Variants in TDRD1 observed in about 807,000 individuals in gnomAD.
TDRD1 encodes the protein tudor domain containing 1, also known as tudor domain-containing protein 1.
TDRD1 carries 37 observed loss-of-function variants against 140.6 expected under a neutral mutation model. That is an observed-to-expected ratio of 0.26 (90% CI 0.20 to 0.35). The LOEUF is 0.35. TDRD1 is among the 10% of genes least tolerant of loss of function. The pLI, the probability that TDRD1 is intolerant of heterozygous loss-of-function variation, is 1.00. For missense variants in TDRD1, 1,243 were observed against 1,393.0 expected, an observed-to-expected ratio of 0.89 and a Z score of 1.71; for synonymous variants, 506 against 475.7, an observed-to-expected ratio of 1.06 and a Z score of -0.83.
chr10:114,198,219 C>T (rs1393594867), intron 3 of TDRD1, among the ~76,000 whole-genome samples: 2 of 152,032 alleles, frequency 1.3e-5, no homozygotes, highest in Non-Finnish European at 2.9e-5. Context: ...GAGAGAGGCC[C>T]GACTGAAGGA....
chr10:114,216,514 G>C (rs1280938089), intron 16 of TDRD1, among the ~76,000 whole-genome samples: 2 of 152,156 alleles, frequency 1.3e-5, no homozygotes, highest in African/African-American at 4.8e-5. Context: ...CTGACCCCAT[G>C]GTTGTGAGAT....
chr10:114,188,223 T>C, intron 2 of TDRD1, 67 bp downstream of exon 2: 2 of 1,395,530 alleles, frequency 1.4e-6, no homozygotes, highest in Non-Finnish European at 1.9e-6. Flanking sequence ...CAGAAGTATA[T>C]ATAACCACAC....
At chr10:114,193,145 G>A (rs1263054723) in intron 3 of TDRD1, among the ~76,000 whole-genome samples, 2 of 151,876 alleles carry the variant, frequency 1.3e-5, no homozygotes, top group Non-Finnish European at 2.9e-5. Context: ...TCCTATGCAT[G>A]TTTTGCTCAA....
At chr10:114,213,536 G>A (rs767113525) in exon 15 of TDRD1, 1 of 1,613,796 alleles carries the variant, frequency 6.2e-7, no homozygotes, top group Non-Finnish European at 8.5e-7. Context: ...GCTTTGCTGT[G>A]GGAGAACAGA....
chr10:114,204,799 A>G (rs1384431771), exon 10 of TDRD1: 61 of 1,607,664 alleles, frequency 3.8e-5, no homozygotes, highest in Non-Finnish European at 4.9e-5. Flanking sequence ...CTACTAAACC[A>G]CTGTTAATGG....
At chr10:114,225,770 TC>T (rs1333771273) in intron 21 of TDRD1, among the ~76,000 whole-genome samples, 1 of 151,404 alleles carries the variant, frequency 6.6e-6, no homozygotes, top group Non-Finnish European at 1.5e-5. Context: ...GGTGAGAGGA[TC>T]ACTTGAGTCT....
At position 114,188,199 on chromosome 10, in the gene TDRD1, T is replaced by C. The variant is rs891006734; in HGVS notation, c.325+43T>C. The C allele has an allele frequency of 2.6e-6, 4 of 1,510,618 alleles. No homozygotes were observed. The African/African-American group carries it at 4.2e-5, about 16-fold the overall frequency. The allele number at this position is 1,510,618 out of a possible 1,614,324, so 93.6% of individuals were successfully genotyped here. On this transcript the variant is annotated intron_variant, in intron 2 of 25. Transcript: ENST00000251864. ...GCTTCCTACTTCTTCATTCTCATGG[T>C]TTCTGTGACTTACCAGAAGTATATA...
At chr10:114,204,671 A>G in intron 9 of TDRD1, 51 bp from the exon 10 acceptor site, 1 of 1,528,122 alleles carries the variant, frequency 6.5e-7, no homozygotes, top group Non-Finnish European at 8.8e-7. Context: ...AATTAGAAAA[A>G]ATCATTTTTA....
At chr10:114,221,534 G>A (rs2036146436) in intron 20 of TDRD1, 58 bp downstream of exon 20, 4 of 1,530,814 alleles carry the variant, frequency 2.6e-6, no homozygotes, top group East Asian at 4.6e-5. Flanking sequence ...TAAAACGAAA[G>A]TGCTGGTCTT....
At chr10:114,204,329 C>G in intron 9 of TDRD1, 113 bp downstream of exon 9, 1 of 1,174,486 alleles carries the variant, frequency 8.5e-7, no homozygotes, top group South Asian at 1.8e-5. Context: ...TGTACCTGTA[C>G]TATGTAAATA....
intron 3 of TDRD1, among the ~76,000 whole-genome samples, chr10:114,197,923 C>T (rs561404764): frequency 7.9e-5 from 12 of 152,146 alleles, no homozygotes; most frequent in African/African-American, 2.2e-4. Flanking sequence ...CCCAAAGTGC[C>T]GGGATTACAG....
intron 3 of TDRD1, among the ~76,000 whole-genome samples, 180 bp from the exon 4 acceptor site, chr10:114,198,993 T>C (rs575438669): frequency 1.6e-4 from 25 of 152,314 alleles, no homozygotes; most frequent in African/African-American, 5.8e-4. Flanking sequence ...ACCTCCTCCT[T>C]TCCCACTTTG....
In TDRD1 at chr10:114,213,538, G is replaced by A. The variant is rs750776626; in HGVS notation, c.2024G>A (p.Gly675Glu). Residue 675 changes from glycine to glutamate, a missense_variant, in exon 15 of 26, where the codon GGA becomes GAA. Physicochemically the swap from Gly to Glu is moderately conservative, Grantham distance 98 (BLOSUM62 -2). Coordinates refer to ENST00000251864, the Ensembl canonical transcript of TDRD1. The stretch of plus-strand genomic sequence containing the variant: ...CTCCTAGATGCAGGCTTTGCTGTGG[G>A]AGAACAGAGTATGGTGACAGATAAA... 3.1e-6 allele frequency: 5 copies of A among 1,613,934 alleles called. 1 individual carries two copies. In the South Asian group the frequency reaches 3.3e-5, roughly 11 times the overall value.
chr10:114,227,825 G>C (rs146300771), intron 23 of TDRD1, 85 bp from the exon 24 acceptor site: 4 of 1,050,776 alleles, frequency 3.8e-6, no homozygotes, highest in African/African-American at 3.1e-5. Context: ...GCAAGGGGGA[G>C]AGCTATCTGT....
rs528921998 is a variant in TDRD1, at chr10:114,211,849, G to A, written c.1661-17G>A. On this transcript the variant is annotated splice_polypyrimidine_tract_variant and intron_variant, in intron 13 of 25. Coordinates refer to ENST00000251864, the Ensembl canonical transcript of TDRD1. ...CAGTGGAAAAATCATTTGAGATTGA[G>A]TCTCTCCCTTTTTCAGAGGATGATC... 3 of 1,508,112 alleles carry A rather than the reference G, an allele frequency of 2.0e-6. 1 individual carries two copies. The highest frequency in any genetic ancestry group is 3.5e-4 in the Middle Eastern group (2 of 5,728). 93.4% of individuals were successfully genotyped at this position (1,508,112 alleles called of 1,614,324 possible).
At chr10:114,220,788 A>T in exon 19 of TDRD1, 1 of 1,612,248 alleles carries the variant, frequency 6.2e-7, no homozygotes, top group Non-Finnish European at 8.5e-7. Flanking sequence ...AAGACTTACC[A>T]AATGACAGAC....
chr10:114,191,166 T>C (rs2033935223), intron 3 of TDRD1, 147 bp downstream of exon 3: 3 of 851,224 alleles, frequency 3.5e-6, no homozygotes, highest in Middle Eastern at 3.7e-4. Flanking sequence ...AAGAAAACTT[T>C]CTTAGGTTAT....
intron 3 of TDRD1, among the ~76,000 whole-genome samples, chr10:114,198,473 C>A (rs772351258): frequency 1.3e-5 from 2 of 152,172 alleles, no homozygotes; most frequent in African/African-American, 4.8e-5. Flanking sequence ...GGTTGGGGCA[C>A]CTCATTTGTA....
chr10:114,175,051 T>C (rs892209222), upstream of TDRD1, among the ~76,000 whole-genome samples: 1 of 152,244 alleles, frequency 6.6e-6, no homozygotes. Flanking sequence ...ACTACTGTTC[T>C]GTTAAGCGTC....
Sources: allele counts gnomAD v4.1 joint callset (sites outside exome capture counted in the v4.1 genomes callset), GRCh38; gene constraint gnomAD v4.1.1; transcripts MANE v1.5; gene names NCBI Gene and HGNC (gene_info 2026-07-23, HGNC 2026-07-21).